Variants in DPPA4 observed in about 807,000 individuals in gnomAD.
The protein encoded by DPPA4 is developmental pluripotency associated 4.
Under a neutral mutation model 33.7 loss-of-function variants are expected in DPPA4, and 22 were observed. The ratio of observed to expected loss-of-function variants is 0.65; its 90% CI spans 0.47 to 0.93. DPPA4 has a LOEUF of 0.93. Among genes scored for constraint, DPPA4 ranks in the 40% least tolerant of loss-of-function variants. DPPA4 has a pLI of 0.00. For missense variants in DPPA4, 340 were observed against 358.6 expected (o/e 0.95, Z 0.42); for synonymous variants, 156 against 132.3 (o/e 1.18, Z -1.23).
chr3:109,328,683 T>G (rs541151087), intron 6 of DPPA4, among the ~76,000 whole-genome samples: 1 of 152,304 alleles, frequency 6.6e-6, no homozygotes, highest in East Asian at 1.9e-4. Flanking sequence ...GAATTCTGTG[T>G]CTCCAGGTAG....
chr3:109,333,490 AC>A (rs1478351011), intron 2 of DPPA4: 1 of 201,364 alleles, frequency 5.0e-6, no homozygotes, highest in African/African-American at 2.4e-5. Context: ...CTCCATTCCC[AC>A]CGCTTAATAA....
At position 109,330,613 on chromosome 3, in the gene DPPA4, G is replaced by A; in HGVS notation, c.590C>T (p.Ser197Phe). Residue 197 changes from serine (S) to phenylalanine (F), a missense_variant, in exon 5 of 7, where the codon TCT becomes TTT. Coordinates refer to ENST00000335658, the MANE Select transcript of DPPA4 (RefSeq NM_018189.4). Reference protein sequence around the residue: ...EGVNTVVVTTSAPEALLASWA... With the variant: ...EGVNTVVVTTFAPEALLASWA... ...GGAGGCCAGCAAAGCCTCTGGGGCAGAAGTTGTCACCACAACTGTATTAAC... is the reference window on the plus strand; with the variant it reads ...GGAGGCCAGCAAAGCCTCTGGGGCAAAAGTTGTCACCACAACTGTATTAAC... 1 of 1,614,176 alleles carries A rather than the reference G, an allele frequency of 6.2e-7. No homozygotes were observed. The highest frequency in any genetic ancestry group is 8.5e-7 in the Non-Finnish European group (1 of 1,180,034).
Position 109,330,797 on chromosome 3 carries a change from C to A in DPPA4, c.406G>T (p.Ala136Ser), listed in dbSNP as rs780151445. Residue 136 changes from alanine to serine, a missense_variant, in exon 5 of 7, where the codon GCA becomes TCA. Ala to Ser is a moderately conservative substitution (Grantham distance 99). Transcript: ENST00000335658. ...YPNQKDFPSTAKEAKIRKSLQ... is the reference protein window; with the variant it reads ...YPNQKDFPSTSKEAKIRKSLQ... ...GATTTCCGGATTTTGGCCTCTTTTGCTGTGCTAGGAAAATCCTACAAAAAG... is the reference window on the plus strand; with the variant it reads ...GATTTCCGGATTTTGGCCTCTTTTGATGTGCTAGGAAAATCCTACAAAAAG... 3.2e-5 allele frequency: 52 copies of A among 1,610,950 alleles called. No individual in the cohort carries two copies. The highest frequency in any genetic ancestry group is 4.3e-5 in the Non-Finnish European group (51 of 1,179,000).
rs1305579791 is a variant in DPPA4 at position 109,332,033 on chromosome 3, T to C, written c.179-2A>G. 2.5e-6 allele frequency: 4 copies of C among 1,591,992 alleles called. No individual in the cohort carries two copies. The highest frequency in any genetic ancestry group is 3.4e-6 in the Non-Finnish European group (4 of 1,168,212). On this transcript the variant is annotated splice_acceptor_variant, in intron 2 of 6. Coordinates refer to ENST00000335658, the MANE Select transcript of DPPA4 (RefSeq NM_018189.4). LOFTEE classifies it high-confidence loss of function. ...CTGCCTTTTTCTTAGGGCAGAGCAC[T>C]GAAGCAGAATGGAATCAAATGAGTA...
intron 1 of DPPA4, 150 bp from the exon 2 acceptor site, chr3:109,334,143 T>A: frequency 1.2e-6 from 1 of 805,172 alleles, no homozygotes. Context: ...ATCTTAATAC[T>A]CAGTTTCATT....
intron 4 of DPPA4, 85 bp from the exon 5 acceptor site, chr3:109,330,897 A>C: frequency 8.0e-7 from 1 of 1,249,474 alleles, no homozygotes; most frequent in Non-Finnish European, 1.1e-6. Flanking sequence ...ATCAAATACA[A>C]AGTTTCACTT....
At chr3:109,329,989 T>A (rs544620548) in intron 5 of DPPA4, 10 of 165,808 alleles carry the variant, frequency 6.0e-5, no homozygotes, top group Non-Finnish European at 1.2e-4. Context: ...TCCTTAGTAC[T>A]GCCTGGGAAA....
intron 2 of DPPA4, chr3:109,332,339 G>C (rs890473860): frequency 5.0e-6 from 1 of 200,224 alleles, no homozygotes; most frequent in Non-Finnish European, 1.0e-5. Flanking sequence ...CTGACCTTGT[G>C]ATCTGCCCAC....
At position 109,328,944 on chromosome 3, in the gene DPPA4, T is replaced by C. The variant is rs757499386; in HGVS notation, c.824A>G (p.Asn275Ser). Reference sequence around the variant, plus strand: ...GTCTTCAAGGTGCGGGGGTGGAAAATTGGAGGCAGGAAGCAAGAAGAGTGC... The same window carrying C: ...GTCTTCAAGGTGCGGGGGTGGAAAACTGGAGGCAGGAAGCAAGAAGAGTGC... ...VSALFLLPAS[N>S]FPPPHLEDNM... Residue 275 changes from asparagine (N) to serine (S), a missense_variant, in exon 6 of 7, where the codon AAT becomes AGT. Asn to Ser is a conservative substitution (Grantham distance 46). Transcript: ENST00000335658. The C allele has an allele frequency of 6.8e-6, 11 of 1,613,822 alleles. No homozygotes were observed. The highest frequency in any genetic ancestry group is 5.5e-5 in the South Asian group (5 of 91,078).
chr3:109,327,940 A>C lies in DPPA4; in HGVS notation c.*48T>G. On this transcript the variant is annotated 3_prime_UTR_variant, in exon 7 of 7. Transcript: ENST00000335658. ...GCAGCACCGCAGAATCCAACTCTCC[A>C]GCTTTTCTGCCATTAATTACCATAG... The C allele has an allele frequency of 7.2e-7, 1 of 1,380,176 alleles. No homozygotes were observed. Among genetic ancestry groups the C allele is most frequent in the Non-Finnish European group, 1.0e-6 (1 of 971,060 alleles). 85.5% of individuals were successfully genotyped at this position (1,380,176 alleles called of 1,614,324 possible).
Position 109,330,748 on chromosome 3 carries a change from T to C in DPPA4, c.455A>G (p.Glu152Gly), listed in dbSNP as rs754650082. 3 of 1,613,930 alleles carry C rather than the reference T, an allele frequency of 1.9e-6. No individual in the cohort carries two copies. Among genetic ancestry groups the C allele is most frequent in the Non-Finnish European group, 2.5e-6 (3 of 1,180,000 alleles). ...RKSLQKKLKV[E>G]KGETSLQSSE... is the part of the protein sequence containing the mutation. ...ACTTTGCAGGGACGTTTCCCCCTTT[T>C]CCACCTTTAATTTTTTTTGCAATGA... Residue 152 changes from glutamate to glycine, a missense_variant, in exon 5 of 7, where the codon GAA becomes GGA. By Grantham distance (98) the Glu-to-Gly change is moderately conservative (BLOSUM62 -2). This residue lies in a region of DPPA4 where 212 missense variants were observed against 206.5 expected (regional missense o/e 1.03). Coordinates refer to ENST00000335658, the MANE Select transcript of DPPA4 (RefSeq NM_018189.4).
chr3:109,332,570 A>T (rs564819388), intron 2 of DPPA4, among the ~76,000 whole-genome samples: 203 of 152,218 alleles, frequency 1.3e-3, no homozygotes, highest in African/African-American at 4.6e-3. Flanking sequence ...CTTCCATCCC[A>T]GGGGAATTAC....
intron 2 of DPPA4, 43 bp downstream of exon 2, chr3:109,333,827 A>G (rs1261847580): frequency 1.6e-5 from 25 of 1,602,782 alleles, no homozygotes; most frequent in African/African-American, 2.7e-5. Flanking sequence ...TCTGGCTTCT[A>G]AGACCCGAGA....
chr3:109,338,260 T>G (rs1169105821), upstream of DPPA4, among the ~76,000 whole-genome samples: 2 of 152,210 alleles, frequency 1.3e-5, no homozygotes, highest in Non-Finnish European at 2.9e-5. Flanking sequence ...AATTGTGAGT[T>G]TTAAATTCAG....
chr3:109,334,244 C>T (rs1228830658), intron 1 of DPPA4, among the ~76,000 whole-genome samples: 1 of 152,162 alleles, frequency 6.6e-6, no homozygotes, highest in Non-Finnish European at 1.5e-5. Flanking sequence ...TAGAAGAAAA[C>T]AGCTCTGCCT....
In DPPA4 at chr3:109,331,853, CCCAG is replaced by C; in HGVS notation, c.339+14_339+17del. ...TACCCTTCCTCCCAGCAGCACCGTC[CCCAG>C]CCTGGGACCTCACCTGGCCTTTGGA... On this transcript the variant is annotated intron_variant, in intron 3 of 6. Transcript: ENST00000335658. 1 of 1,613,492 alleles carries C rather than the reference CCCAG, an allele frequency of 6.2e-7. No individual in the cohort carries two copies. Among genetic ancestry groups the C allele is most frequent in the Non-Finnish European group, 8.5e-7 (1 of 1,179,548 alleles).
chr3:109,334,087 G>C, intron 1 of DPPA4, 94 bp from the exon 2 acceptor site: 2 of 1,404,454 alleles, frequency 1.4e-6, no homozygotes, highest in Non-Finnish European at 1.9e-6. Flanking sequence ...AGGCACCAAC[G>C]CAGTTACTGG....
At chr3:109,328,243 T>A (rs1707979221) in intron 6 of DPPA4, among the ~76,000 whole-genome samples, 3 of 152,142 alleles carry the variant, frequency 2.0e-5, no homozygotes, top group Non-Finnish European at 1.5e-5. Context: ...ACAGGAGGCC[T>A]TGGAGGGGCT....
intron 2 of DPPA4, chr3:109,332,261 C>A (rs914941315): frequency 3.4e-6 from 1 of 294,610 alleles, no homozygotes; most frequent in African/African-American, 2.1e-5. Flanking sequence ...ACCACCACGC[C>A]CGGCTAATTT....
Sources: gnomAD v4.1 joint callset for allele counts (sites outside exome capture counted in the v4.1 genomes callset) on GRCh38, gnomAD v4.1.1 for gene constraint, gnomAD v4.1.1 regional missense constraint, MANE v1.5 for transcripts, NCBI Gene and HGNC (gene_info 2026-07-23, HGNC 2026-07-21) for gene names.